Variants in POGLUT2 observed in about 807,000 individuals in gnomAD.
POGLUT2 encodes ER protein 58.
POGLUT2 carries 47 observed loss-of-function variants against 57.6 expected under a neutral mutation model. That is an observed-to-expected ratio of 0.82 (90% CI 0.65 to 1.04). POGLUT2 has a LOEUF of 1.04. POGLUT2 is among the 50% of genes least tolerant of loss of function. The pLI is 0.00. For missense variants in POGLUT2, 565 were observed against 614.8 expected (o/e 0.92, Z 0.86); for synonymous variants, 200 against 218.8 (o/e 0.91, Z 0.76).
Position 102,791,395 on chromosome 13 carries a change from C to G in POGLUT2, c.708G>C (p.Leu236Phe), listed in dbSNP as rs746910442. 1 of 1,602,554 alleles carries G rather than the reference C, an allele frequency of 6.2e-7. No individual in the cohort carries two copies. The highest frequency in any genetic ancestry group is 1.8e-5 in the Admixed American group (1 of 56,278). Reference protein sequence around the residue: ...KMPDVELFVNLGDWPLEKKKS... With the variant: ...KMPDVELFVNFGDWPLEKKKS... ...TCTTTTTTTCCAAAGGCCAGTCTCC[C>G]AAATTAACAAAGAGCTCCACATCTG... The change falls in exon 5 of 10, where the codon TTG becomes TTC. Residue 236 changes from leucine to phenylalanine, a missense_variant. Coordinates refer to ENST00000376004, the MANE Select transcript of POGLUT2 (RefSeq NM_024089.3).
At chr13:102,795,881 G>C (rs923686185) in intron 2 of POGLUT2, among the ~76,000 whole-genome samples, 4 of 152,040 alleles carry the variant, frequency 2.6e-5, no homozygotes, top group Admixed American at 6.6e-5. Context: ...GGGTTGTTAA[G>C]GGGGGGACAA....
At chr13:102,788,810 T>C (rs1878054945) in intron 7 of POGLUT2, among the ~76,000 whole-genome samples, 1 of 151,986 alleles carries the variant, frequency 6.6e-6, no homozygotes, top group South Asian at 2.1e-4. Context: ...ACATGCAGAG[T>C]GGAGAGTTAA....
chr13:102,797,855 C>T (rs372605954), intron 1 of POGLUT2, among the ~76,000 whole-genome samples: 5 of 152,162 alleles, frequency 3.3e-5, no homozygotes, highest in African/African-American at 1.2e-4. Flanking sequence ...ACCTTTTATT[C>T]CAGTATTTTT....
intron 7 of POGLUT2, among the ~76,000 whole-genome samples, 164 bp from the exon 8 acceptor site, chr13:102,788,087 T>C (rs1255203305): frequency 6.6e-6 from 1 of 152,218 alleles, no homozygotes; most frequent in Non-Finnish European, 1.5e-5. Flanking sequence ...AGTATGTTTG[T>C]TTAAATCAGA....
rs936635435 is a variant in POGLUT2, at chr13:102,793,755, C to T, written c.440G>A (p.Trp147Ter). 7 of 1,614,188 alleles carry T rather than the reference C, an allele frequency of 4.3e-6. No individual in the cohort carries two copies. Among genetic ancestry groups the T allele is most frequent in the South Asian group, 1.1e-5 (1 of 91,088 alleles). ...TTCAGGGCAGTTCATCTCCCGTAGC[C>T]AGGCTGCACTATCTTGCAGAGGACA... ...CDCPLQDSAA[W>*]LREMNCPETI... The change falls in exon 3 of 10, where the codon TGG (tryptophan) becomes TAG (stop). Residue 147 changes from tryptophan to a stop codon, truncating the protein, a stop_gained. Coordinates refer to ENST00000376004, the MANE Select transcript of POGLUT2 (RefSeq NM_024089.3). LOFTEE classifies it high-confidence loss of function.
At chr13:102,788,123 T>C (rs1448767486) in intron 7 of POGLUT2, among the ~76,000 whole-genome samples, 200 bp from the exon 8 acceptor site, 1 of 152,210 alleles carries the variant, frequency 6.6e-6, no homozygotes, top group African/African-American at 2.4e-5. Flanking sequence ...CTTAAAAGTT[T>C]GAAAAGTCAT....
chr13:102,785,721 C>T (rs940424560), intron 9 of POGLUT2, among the ~76,000 whole-genome samples: 4 of 152,092 alleles, frequency 2.6e-5, no homozygotes, highest in Non-Finnish European at 5.9e-5. Flanking sequence ...CTTCTAAGGT[C>T]CTTTCTACCT....
At chr13:102,784,643 G>A (rs1371682664) in intron 9 of POGLUT2, 131 bp from the exon 10 acceptor site, 5 of 629,358 alleles carry the variant, frequency 7.9e-6, no homozygotes, top group African/African-American at 1.8e-5. Flanking sequence ...TTTAGGGCTT[G>A]GGACTATTTC....
chr13:102,796,313 T>C (rs9670772), intron 2 of POGLUT2, among the ~76,000 whole-genome samples: 1 of 128,730 alleles, frequency 7.8e-6, no homozygotes, highest in Non-Finnish European at 1.6e-5. Flanking sequence ...AAAAAAAAAA[T>C]AAATAAATAA....
chr13:102,791,284 A>G lies in POGLUT2; in HGVS notation c.819T>C (p.Thr273=), dbSNP rs79443640. 6 of 1,607,280 alleles carry G rather than the reference A, an allele frequency of 3.7e-6. No individual in the cohort carries two copies. The South Asian group carries it at 6.7e-5, about 18-fold the overall frequency. Reference sequence around the variant, plus strand: ...GGCCCATGGTTTCCAGAACAGAATCAGTCAAATCGTACGTAGGCATCACGA... The same window carrying G: ...GGCCCATGGTTTCCAGAACAGAATCGGTCAAATCGTACGTAGGCATCACGA... ...KDIVMPTYDL[T]DSVLETMGRV... The change falls in exon 5 of 10, where the codon ACT becomes ACC. Residue 273 remains threonine (T), a synonymous_variant. Transcript: ENST00000376004.
intron 4 of POGLUT2, among the ~76,000 whole-genome samples, chr13:102,791,687 C>A (rs1878186839): frequency 6.6e-6 from 1 of 152,226 alleles, no homozygotes; most frequent in East Asian, 1.9e-4. Flanking sequence ...CTAAGATGAT[C>A]AAAGAGAAGG....
intron 6 of POGLUT2, among the ~76,000 whole-genome samples, chr13:102,789,789 G>T (rs184889384): frequency 6.6e-6 from 1 of 152,084 alleles, no homozygotes; most frequent in Non-Finnish European, 1.5e-5. Context: ...GTAGAGATGC[G>T]GTTTCACCAT....
At chr13:102,797,467 C>A (rs1017482433) in intron 1 of POGLUT2, among the ~76,000 whole-genome samples, 4 of 152,040 alleles carry the variant, frequency 2.6e-5, no homozygotes, top group East Asian at 1.9e-4. Flanking sequence ...GTGGCCCATG[C>A]CTACTATCTC....
rs1367973181 is a variant in POGLUT2 at position 102,788,894 on chromosome 13, T to A, written c.1293+118A>T. Reference sequence around the variant, plus strand: ...ATCTATGGGCAGGCAGCTTCCCATTTACAGGCCAAAGTCTATTACGTGAAC... The same window carrying A: ...ATCTATGGGCAGGCAGCTTCCCATTAACAGGCCAAAGTCTATTACGTGAAC... On this transcript the variant is annotated intron_variant, in intron 7 of 9. Transcript: ENST00000376004. 21 of 890,740 alleles carry A rather than the reference T, an allele frequency of 2.4e-5. No homozygotes were observed. In the South Asian group the frequency reaches 2.7e-4, roughly 12 times the overall value. 55.2% of individuals were successfully genotyped at this position (890,740 alleles called of 1,614,324 possible). A position where few individuals can be genotyped will look rare whatever the true frequency, so the allele number is the denominator to read the frequency against.
At chr13:102,792,805 G>T (rs988389824) in intron 4 of POGLUT2, among the ~76,000 whole-genome samples, 4 of 152,036 alleles carry the variant, frequency 2.6e-5, no homozygotes. Context: ...TTTTTTTTGG[G>T]GGGGGACAGG....
chr13:102,793,312 A>T, intron 4 of POGLUT2, 29 bp downstream of exon 4: 1 of 1,212,786 alleles, frequency 8.2e-7, no homozygotes, highest in Non-Finnish European at 1.2e-6. Flanking sequence ...TAAATTATCT[A>T]TTACAGCTAA....
chr13:102,796,812 A>C lies in POGLUT2; in HGVS notation c.380T>G (p.Ile127Ser). 1 of 1,555,860 alleles carries C rather than the reference A, an allele frequency of 6.4e-7. No homozygotes were observed. Among genetic ancestry groups the C allele is most frequent in the Non-Finnish European group, 8.9e-7 (1 of 1,128,984 alleles). Residue 127 changes from isoleucine (I) to serine (S), a missense_variant, in exon 2 of 10, where the codon ATT (isoleucine) becomes AGT (serine). Ile to Ser is a moderately radical substitution (Grantham distance 142). Transcript: ENST00000376004. ...ATTATATTCCAAATTACCTTTTAAA[A>C]TATATGGGGATTTGGCCACATGTTG... ...QGQHVAKSPY[I>S]LKGPVYHENC... is the part of the protein sequence containing the mutation.
chr13:102,789,894 G>C (rs957273520), intron 6 of POGLUT2, among the ~76,000 whole-genome samples: 1 of 152,186 alleles, frequency 6.6e-6, no homozygotes, highest in Admixed American at 6.5e-5. Flanking sequence ...CATCACGCCT[G>C]GCTAACCGTA....
chr13:102,796,339 T>C (rs1457032730), intron 2 of POGLUT2, among the ~76,000 whole-genome samples: 2 of 137,208 alleles, frequency 1.5e-5, no homozygotes, highest in Non-Finnish European at 3.2e-5. Context: ...TAAATAAATG[T>C]CAGAGAATTT....
Sources: allele counts gnomAD v4.1 joint callset (sites outside exome capture counted in the v4.1 genomes callset), GRCh38; gene constraint gnomAD v4.1.1; transcripts MANE v1.5; gene names NCBI Gene and HGNC (gene_info 2026-07-23, HGNC 2026-07-21).